AP5Z1: variants seen among roughly 807,000 people sequenced by gnomAD.
AP5Z1 encodes AP-5 complex subunit zeta-1.
A neutral mutation model predicts 83.0 loss-of-function variants in AP5Z1; 106 were observed. That is an observed-to-expected ratio of 1.28 (90% CI 1.09 to 1.50). The LOEUF (loss-of-function observed/expected upper bound fraction) is 1.50. Among genes scored for constraint, AP5Z1 ranks in the 40% most tolerant of loss-of-function variants. The probability of loss-of-function intolerance (pLI) is 0.00; values close to 1 mark genes in which losing one functional copy is unlikely to be tolerated. For synonymous variants in AP5Z1, 751 were observed against 514.1 expected (o/e 1.46, Z -6.23); for missense variants, 1,565 against 1,094.2 (o/e 1.43, Z -6.07).
Position 4,784,367 on chromosome 7 carries a change from C to A in AP5Z1, c.786C>A (p.Asp262Glu). 6.3e-7 allele frequency: 1 copy of A among 1,594,340 alleles called. No individual in the cohort carries two copies. The highest frequency in any genetic ancestry group is 2.3e-5 in the East Asian group (1 of 44,228). The part of the protein sequence containing the change: ...HSGPEGPGTL[D>E]TDDRSEQEGS... ...GCCCCGAGGGCCCGGGCACCCTGGA[C>A]ACAGGTGTGCGGGGTGGGGGGATGA... The change falls in exon 6 of 17, where the codon GAC becomes GAA. Residue 262 changes from aspartate to glutamate, a missense_variant. Coordinates refer to ENST00000649063, the MANE Select transcript of AP5Z1 (RefSeq NM_014855.3).
chr7:4,789,826 C>A lies in AP5Z1; in HGVS notation c.1708-6C>A. 3 of 1,551,106 alleles carry A rather than the reference C, an allele frequency of 1.9e-6. No homozygotes were observed. The highest frequency in any genetic ancestry group is 2.6e-6 in the Non-Finnish European group (3 of 1,147,244). On this transcript the variant is annotated splice_region_variant and splice_polypyrimidine_tract_variant and intron_variant, in intron 13 of 16. Transcript: ENST00000649063. ...GCTGAGCCTGTTTCCCACTCCTGAC[C>A]CCCAGGTGGCTGACGGGTCCCTGAT...
In AP5Z1 at chr7:4,791,547, C is replaced by G. The variant is rs1781775356; in HGVS notation, c.*162C>G. On this transcript the variant is annotated 3_prime_UTR_variant, in exon 17 of 17. Transcript: ENST00000649063. Reference sequence around the variant, plus strand: ...CTCACAGACACGCGGGGCTGGCCCCCCTGCTCACCCTCTGGGCTTTGTCTC... The same window carrying G: ...CTCACAGACACGCGGGGCTGGCCCCGCTGCTCACCCTCTGGGCTTTGTCTC... The G allele has an allele frequency of 9.6e-7, 1 of 1,043,510 alleles. No homozygotes were observed. Among genetic ancestry groups the G allele is most frequent in the Non-Finnish European group, 1.4e-6 (1 of 735,142 alleles). 64.6% of individuals were successfully genotyped at this position (1,043,510 alleles called of 1,614,324 possible).
In AP5Z1 at chr7:4,784,297, A is replaced by T; in HGVS notation, c.716A>T (p.Asn239Ile). 2 of 1,602,552 alleles carry T rather than the reference A, an allele frequency of 1.2e-6. No homozygotes were observed. Among genetic ancestry groups the T allele is most frequent in the Non-Finnish European group, 8.5e-7 (1 of 1,175,616 alleles). ...CGCTTCACAGACGACCAGTGGCTGA[A>T]CGTGCAGGCCTTCTCTATGCTGCGG... ...GHRFTDDQWL[N>I]VQAFSMLRAW... is the part of the protein sequence containing the mutation. The change falls in exon 6 of 17, where the codon AAC becomes ATC. Residue 239 changes from asparagine (N) to isoleucine (I), a missense_variant. Transcript: ENST00000649063.
At position 4,783,417 on chromosome 7, in the gene AP5Z1, C is replaced by A; in HGVS notation, c.468C>A (p.Val156=). 1 of 1,613,102 alleles carries A rather than the reference C, an allele frequency of 6.2e-7. No individual in the cohort carries two copies. The highest frequency in any genetic ancestry group is 8.5e-7 in the Non-Finnish European group (1 of 1,179,770). Residue 156 remains valine, a synonymous_variant, in exon 4 of 17, where the codon GTC becomes GTA. Coordinates refer to ENST00000649063, the MANE Select transcript of AP5Z1 (RefSeq NM_014855.3). ...CCAGCCTCAGACACCTCCTCCCCGTCATGGCCAAGGTCGTGGTCCTCAGCC... is the reference window on the plus strand; with the variant it reads ...CCAGCCTCAGACACCTCCTCCCCGTAATGGCCAAGGTCGTGGTCCTCAGCC... ...EGPSLRHLLP[V]MAKVVVLSPG...
chr7:4,775,771 C>T lies in AP5Z1; in HGVS notation c.41+15C>T, dbSNP rs1037813031. 1.9e-6 allele frequency: 3 copies of T among 1,601,496 alleles called. No homozygotes were observed. Among genetic ancestry groups the T allele is most frequent in the Admixed American group, 1.7e-5 (1 of 59,864 alleles). On this transcript the variant is annotated intron_variant, in intron 1 of 16. Transcript: ENST00000649063. ...CACCAGGCCAGGTACGGGGGAGCTG[C>T]GGCCCCGGCCCTCCTTCCTGCATCT... is the stretch of plus-strand genomic sequence containing the variant.
At position 4,791,798 on chromosome 7, in the gene AP5Z1, T is replaced by G. The variant is rs200649898; in HGVS notation, c.*413T>G. The G allele has an allele frequency of 2.3e-5, 4 of 171,074 alleles. No homozygotes were observed. In the East Asian group the frequency reaches 6.6e-4, roughly 28 times the overall value. The allele number at this position is 171,074 out of a possible 1,614,324, so 10.6% of individuals were successfully genotyped here. On this transcript the variant is annotated 3_prime_UTR_variant, in exon 17 of 17. Coordinates refer to ENST00000649063, the MANE Select transcript of AP5Z1 (RefSeq NM_014855.3). ...GCGCGATCAGTTCCGTTACCTGCCCTGCACCCTGGGGAGAGGACCAGGGAT... is the reference window on the plus strand; with the variant it reads ...GCGCGATCAGTTCCGTTACCTGCCCGGCACCCTGGGGAGAGGACCAGGGAT...
At chr7:4,779,942 C>G (rs1014851182) in intron 1 of AP5Z1, among the ~76,000 whole-genome samples, 1 of 151,968 alleles carries the variant, frequency 6.6e-6, no homozygotes, top group African/African-American at 2.4e-5. Context: ...CGTGCGTGGC[C>G]GAATTTTTTT....
intron 3 of AP5Z1, 29 bp from the exon 4 acceptor site, chr7:4,783,287 C>A: frequency 6.4e-7 from 1 of 1,572,094 alleles, no homozygotes; most frequent in Non-Finnish European, 8.6e-7. Flanking sequence ...CAGGCCAGTA[C>A]CCCAGCGTTT....
At chr7:4,790,213 G>C in intron 14 of AP5Z1, 1 of 1,550,286 alleles carries the variant, frequency 6.5e-7, no homozygotes, top group South Asian at 1.2e-5. Context: ...TCTCTCCAAA[G>C]GCCTGATGCA....
At position 4,775,665 on chromosome 7, in the gene AP5Z1, T is replaced by C. The variant is rs1781203993; in HGVS notation, c.-51T>C. ...TGACCGGGGTGCGGAGCTCCTGGGC[T>C]GCAGCTCCTGGAGTTTCCGAGGTTC... On this transcript the variant is annotated 5_prime_UTR_variant, in exon 1 of 17. Coordinates refer to ENST00000649063, the MANE Select transcript of AP5Z1 (RefSeq NM_014855.3). The C allele has an allele frequency of 1.2e-6, 2 of 1,603,610 alleles. No homozygotes were observed. Among genetic ancestry groups the C allele is most frequent in the South Asian group, 1.1e-5 (1 of 90,742 alleles).
Position 4,786,342 on chromosome 7 carries a change from G to T in AP5Z1, c.1225G>T (p.Glu409Ter). The T allele has an allele frequency of 3.7e-6, 6 of 1,613,938 alleles. No homozygotes were observed. Among genetic ancestry groups the T allele is most frequent in the African/African-American group, 1.3e-5 (1 of 75,058 alleles). Residue 409 changes from glutamate to a stop codon, truncating the protein, a stop_gained, in exon 10 of 17, where the codon GAA becomes TAA. Transcript: ENST00000649063. LOFTEE classifies it high-confidence loss of function. The part of the protein sequence containing the change: ...EQFHSPMLAF[E>*]FIQFCRDNLH... ...GTTCCACAGCCCCATGCTGGCCTTTGAATTCATCCAGTTCTGCAGGGACAA... is the reference window on the plus strand; with the variant it reads ...GTTCCACAGCCCCATGCTGGCCTTTTAATTCATCCAGTTCTGCAGGGACAA...
At position 4,785,634 on chromosome 7, in the gene AP5Z1, CG is replaced by C. The variant is rs1562408510; in HGVS notation, c.1084del (p.Ala362ProfsTer14). ...CTGCACGGGCGGGTGCGCGGGGACC[CG>C]GCCTCTGTGCGGGTGCTGCTGCCCC... ...KALHGRVRGDPASVRVLLPLA... is the reference protein window; with the variant it reads ...KALHGRVRGDXASVRVLLPLA... On this transcript the variant is annotated frameshift_variant, in exon 9 of 17. Transcript: ENST00000649063. LOFTEE classifies it high-confidence loss of function. 1 of 1,569,022 alleles carries C rather than the reference CG, an allele frequency of 6.4e-7. No homozygotes were observed. Among genetic ancestry groups the C allele is most frequent in the Admixed American group, 1.8e-5 (1 of 54,802 alleles).
rs953542998 is a variant in AP5Z1, at chr7:4,781,034, G to T, written c.42-141G>T. 12 of 1,100,110 alleles carry T rather than the reference G, an allele frequency of 1.1e-5. No homozygotes were observed. The Admixed American group carries it at 1.4e-4, about 13-fold the overall frequency. 68.1% of individuals were successfully genotyped at this position (1,100,110 alleles called of 1,614,324 possible). ...GGGAATCAGCGAATTTATCTCGAGA[G>T]CCATGAGCCGTGGAACCGTGTTCCT... On this transcript the variant is annotated intron_variant, in intron 1 of 16. Transcript: ENST00000649063.
At chr7:4,786,805 C>T (rs1781559985) in intron 10 of AP5Z1, among the ~76,000 whole-genome samples, 4 of 151,876 alleles carry the variant, frequency 2.6e-5, no homozygotes, top group Admixed American at 2.6e-4. Flanking sequence ...AGTCTCATTC[C>T]TGTCACCTAG....
intron 6 of AP5Z1, 61 bp downstream of exon 6, chr7:4,784,432 T>C: frequency 6.6e-7 from 1 of 1,509,954 alleles, no homozygotes; most frequent in Non-Finnish European, 8.9e-7. Flanking sequence ...TATGGGTTGG[T>C]CGCAGGGGGA....
intron 3 of AP5Z1, among the ~76,000 whole-genome samples, chr7:4,782,106 G>A (rs1419815794): frequency 6.6e-6 from 1 of 152,108 alleles, no homozygotes; most frequent in Non-Finnish European, 1.5e-5. Flanking sequence ...AGTGTAGAGT[G>A]CCATGGAGTG....
Position 4,781,739 on chromosome 7 carries a change from C to T in AP5Z1, c.351C>T (p.Ser117=), listed in dbSNP as rs374912181. Residue 117 remains serine (S), a synonymous_variant, in exon 3 of 17, where the codon TCC becomes TCT. Transcript: ENST00000649063. ...QNSRQLSLVA[S]VLLAQGDRNE... is the part of the protein sequence containing the mutation. ...GCCGGCAGCTGAGCCTGGTGGCCTC[C>T]GTTCTCTTGGCCCAGGTAGCGCAGC... The T allele has an allele frequency of 1.1e-4, 168 of 1,571,244 alleles. 1 individual carries two copies. The highest frequency in any genetic ancestry group is 5.5e-4 in the Admixed American group (32 of 58,322).
At position 4,790,712 on chromosome 7, in the gene AP5Z1, C is replaced by T. The variant is rs377514314; in HGVS notation, c.1978C>T (p.Arg660Trp). The T allele has an allele frequency of 3.6e-5, 58 of 1,611,094 alleles. No individual in the cohort carries two copies. Among genetic ancestry groups the T allele is most frequent in the East Asian group, 8.9e-5 (4 of 44,856 alleles). The change falls in exon 16 of 17, where the codon CGG (arginine) becomes TGG (tryptophan). Residue 660 changes from arginine to tryptophan, a missense_variant. Physicochemically the swap from Arg to Trp is moderately radical, Grantham distance 101 (BLOSUM62 -3). Coordinates refer to ENST00000649063, the MANE Select transcript of AP5Z1 (RefSeq NM_014855.3). ...CGAGTACCTGTCGGTGACCTACGAT[C>T]GGAGGTGCACCGTGGAGCAGATCAA... ...IGEYLSVTYD[R>W]RCTVEQINKF...
At chr7:4,787,901 C>A in intron 11 of AP5Z1, 125 bp downstream of exon 11, 1 of 1,259,510 alleles carries the variant, frequency 7.9e-7, no homozygotes, top group Non-Finnish European at 1.1e-6. Context: ...CAACACCTGA[C>A]CAGTCCTCCC....
Sources: allele counts gnomAD v4.1 joint callset (sites outside exome capture counted in the v4.1 genomes callset), GRCh38; gene constraint gnomAD v4.1.1; transcripts MANE v1.5; gene names NCBI Gene and HGNC (gene_info 2026-07-23, HGNC 2026-07-21).